Variants in PPP2R2C observed in about 807,000 individuals in gnomAD.
The protein encoded by PPP2R2C is protein phosphatase 2 regulatory subunit Bgamma.
PPP2R2C carries 10 observed loss-of-function variants against 45.3 expected under a neutral mutation model. That is an observed-to-expected ratio of 0.22 (90% CI 0.14 to 0.37). The LOEUF is 0.37. Ranked by LOEUF, PPP2R2C falls within the 10% of genes least tolerant of loss-of-function variation. PPP2R2C has a pLI of 1.00. For missense variants in PPP2R2C, 308 were observed against 619.7 expected, an observed-to-expected ratio of 0.50 and a Z score of 5.34; for synonymous variants, 257 against 245.4, an observed-to-expected ratio of 1.05 and a Z score of -0.44.
intron 2 of PPP2R2C, among the ~76,000 whole-genome samples, chr4:6,512,444 C>T (rs868730978): frequency 0.012 from 81 of 6,564 alleles, no homozygotes; most frequent in African/African-American, 0.015. Flanking sequence ...GTGATGGTGG[C>T]GGTGGTGGTG....
chr4:6,550,700 A>G (rs766485807), intron 1 of PPP2R2C, among the ~76,000 whole-genome samples: 6 of 152,184 alleles, frequency 3.9e-5, no homozygotes, highest in Non-Finnish European at 8.8e-5. Context: ...ACAGCTCCAC[A>G]TCTGGCACTA....
At chr4:6,467,196 A>T (rs1560569593) in intron 1 of PPP2R2C, among the ~76,000 whole-genome samples, 1 of 152,110 alleles carries the variant, frequency 6.6e-6, no homozygotes, top group East Asian at 1.9e-4. Flanking sequence ...CCACATCTTG[A>T]TTTTCAAAAG....
intron 1 of PPP2R2C, among the ~76,000 whole-genome samples, chr4:6,557,343 A>G (rs1577257814): frequency 6.6e-6 from 1 of 152,142 alleles, no homozygotes; most frequent in Non-Finnish European, 1.5e-5. Context: ...GAGTTCTTAC[A>G]GATCTTATAG....
intron 1 of PPP2R2C, among the ~76,000 whole-genome samples, chr4:6,388,146 G>A (rs1237710917): frequency 1.3e-5 from 2 of 152,158 alleles, no homozygotes; most frequent in Non-Finnish European, 2.9e-5. Flanking sequence ...TTCCCCCCCT[G>A]AGGTGCCTCC....
At chr4:6,382,620 C>T (rs1560501270) in intron 1 of PPP2R2C, 4 of 684,876 alleles carry the variant, frequency 5.8e-6, no homozygotes, top group South Asian at 4.0e-5. Flanking sequence ...TGGAGTTTCT[C>T]GTTCTCTCTC....
In PPP2R2C at chr4:6,330,123, G is replaced by T. The variant is rs1732288427; in HGVS notation, c.961-770C>A. Among the ~76,000 whole-genome samples the T allele has an allele frequency of 1.3e-5, 2 of 152,138 alleles. No individual in the cohort carries two copies. Among genetic ancestry groups the T allele is most frequent in the Non-Finnish European group, 2.9e-5 (2 of 68,014 alleles). ...ATTCCCGTACCCCACAGGAGAGAGG[G>T]TGACACCCCAGGACCTGCATCCACC... On this transcript the variant is annotated intron_variant, in intron 7 of 8. Coordinates refer to ENST00000382599, the MANE Select transcript of PPP2R2C (RefSeq NM_020416.4). The surrounding 1 kb of genome is among the most constrained non-coding windows in gnomAD (Gnocchi z 7.0).
At chr4:6,362,797 C>A in intron 5 of PPP2R2C, among the ~76,000 whole-genome samples, 1 of 152,152 alleles carries the variant, frequency 6.6e-6, no homozygotes, top group East Asian at 1.9e-4. Context: ...GACTGAGAGG[C>A]GGTGTAGCAT....
intron 2 of PPP2R2C, among the ~76,000 whole-genome samples, chr4:6,485,520 T>A (rs1722503182): frequency 6.6e-6 from 1 of 151,910 alleles, no homozygotes; most frequent in Non-Finnish European, 1.5e-5. Context: ...TGTGGAAAGG[T>A]TTTAAATTGT....
intron 1 of PPP2R2C, among the ~76,000 whole-genome samples, chr4:6,411,512 G>A (rs1718193915): frequency 6.6e-6 from 1 of 150,934 alleles, no homozygotes; most frequent in Admixed American, 6.6e-5. Context: ...TGCCTCTTAA[G>A]TTCTCTAATT....
At chr4:6,526,591 C>T (rs1319955931) in intron 2 of PPP2R2C, among the ~76,000 whole-genome samples, 1 of 152,200 alleles carries the variant, frequency 6.6e-6, no homozygotes, top group African/African-American at 2.4e-5. Context: ...GTTGAGGGCA[C>T]CCTGAGCGCA....
In PPP2R2C at chr4:6,321,207, C is replaced by G. The variant is rs1187699781; in HGVS notation, c.*2095G>C. On this transcript the variant is annotated 3_prime_UTR_variant, in exon 9 of 9. Transcript: ENST00000382599. ...GTTAAATCTATGATGTGACAGTAAC[C>G]TCTAGCTGCAAATACAAGTTTCTTC... The G allele has an allele frequency of 6.6e-6, 1 of 152,282 alleles. No individual in the cohort carries two copies. Among genetic ancestry groups the G allele is most frequent in the Non-Finnish European group, 1.5e-5 (1 of 68,032 alleles). 9.4% of individuals were successfully genotyped at this position (152,282 alleles called of 1,614,324 possible).
At chr4:6,558,554 C>A (rs1035286042) in intron 1 of PPP2R2C, among the ~76,000 whole-genome samples, 5 of 152,238 alleles carry the variant, frequency 3.3e-5, no homozygotes, top group Non-Finnish European at 5.9e-5. Flanking sequence ...CTTCCCAATA[C>A]TCAGCCTGAT....
At chr4:6,554,183 AG>A (rs1446281513) in intron 1 of PPP2R2C, among the ~76,000 whole-genome samples, 3 of 152,216 alleles carry the variant, frequency 2.0e-5, no homozygotes, top group Non-Finnish European at 4.4e-5. Flanking sequence ...AGTTAAAATG[AG>A]GCCATGCTGG....
intron 1 of PPP2R2C, among the ~76,000 whole-genome samples, chr4:6,456,267 T>A (rs1460981533): frequency 1.3e-5 from 2 of 151,510 alleles, no homozygotes; most frequent in Non-Finnish European, 2.9e-5. Context: ...CAACAAAATG[T>A]GAGCAGTGTT....
chr4:6,422,705 ATAT>A (rs1448101787), intron 1 of PPP2R2C, among the ~76,000 whole-genome samples: 2 of 152,156 alleles, frequency 1.3e-5, no homozygotes, highest in Non-Finnish European at 2.9e-5. Flanking sequence ...GGACACAGTC[ATAT>A]TGGATCAGGG....
intron 2 of PPP2R2C, among the ~76,000 whole-genome samples, chr4:6,485,908 C>T (rs1722513529): frequency 6.6e-6 from 1 of 151,776 alleles, no homozygotes; most frequent in Admixed American, 6.6e-5. Context: ...CTGGTCCTTA[C>T]TATTTCCTCT....
At position 6,381,725 on chromosome 4, in the gene PPP2R2C, C is replaced by A. The variant is rs936017742; in HGVS notation, c.71-631G>T. 4 of 1,578,494 alleles carry A rather than the reference C, an allele frequency of 2.5e-6. No homozygotes were observed. In the Admixed American group the frequency reaches 7.6e-5, roughly 30 times the overall value. ...GACCCTCCCTGCACTTCATCCCAAC[C>A]ATGTTTCTTCAGGTCACTCAGGAAC... On this transcript the variant is annotated intron_variant, in intron 1 of 8. Transcript: ENST00000382599.
chr4:6,433,214 G>A lies in PPP2R2C; in HGVS notation c.70+38946C>T, dbSNP rs1363496180. Among the ~76,000 whole-genome samples, 6 of 152,042 alleles carry A rather than the reference G, an allele frequency of 3.9e-5. No individual in the cohort carries two copies. The East Asian group carries it at 7.7e-4, about 20-fold the overall frequency. Reference sequence around the variant, plus strand: ...TGGCTCCCCCAACCCCGTGTTGTTCGAGGGTCTGCTCTGTTGCTGAATGGC... The same window carrying A: ...TGGCTCCCCCAACCCCGTGTTGTTCAAGGGTCTGCTCTGTTGCTGAATGGC... On this transcript the variant is annotated intron_variant, in intron 1 of 8. Coordinates refer to ENST00000382599, the MANE Select transcript of PPP2R2C (RefSeq NM_020416.4).
At position 6,527,234 on chromosome 4, in the gene PPP2R2C, C is replaced by T. The variant is rs540312742; in HGVS notation, c.49+8037G>A. On this transcript the variant is annotated intron_variant, in intron 2 of 9. Coordinates refer to the PPP2R2C transcript ENST00000506140. ...TACCAACTCGCTGAGCGACCTTGGC[C>T]AGGGAGCGGGGATCTGTCCCCTCTC... 3.3e-5 allele frequency among the ~76,000 whole-genome samples: 5 copies of T among 152,318 alleles called. No individual in the cohort carries two copies. The South Asian group carries it at 8.3e-4, about 25-fold the overall frequency.
Sources: allele counts gnomAD v4.1 joint callset (sites outside exome capture counted in the v4.1 genomes callset), GRCh38; gene constraint gnomAD v4.1.1; non-coding constraint Gnocchi (gnomAD v3.1); transcripts MANE v1.5; gene names NCBI Gene and HGNC (gene_info 2026-07-23, HGNC 2026-07-21).